The following FREM2 variants were observed in gnomAD, a reference collection of about 807,000 sequenced individuals.
FREM2 encodes the protein FRAS1-related extracellular matrix protein 2.
In FREM2, 119 loss-of-function variants were observed where a neutral mutation model predicts 219.9. That is an observed-to-expected ratio of 0.54 (90% CI 0.47 to 0.63). The LOEUF (loss-of-function observed/expected upper bound fraction) is 0.63, where lower values mean the gene tolerates loss of function less well. FREM2 is among the 30% of genes least tolerant of loss of function. The pLI is 0.00. For missense variants in FREM2, 4,030 were observed against 3,993.6 expected (o/e 1.01, Z -0.25); for synonymous variants, 1,562 against 1,522.8 (o/e 1.03, Z -0.60).
intron 11 of FREM2, among the ~76,000 whole-genome samples, chr13:38,855,709 T>C (rs1026944361): frequency 6.6e-6 from 1 of 152,002 alleles, no homozygotes; most frequent in South Asian, 2.1e-4. Flanking sequence ...AATGATACAA[T>C]GAACTTTTGG....
In FREM2 at chr13:38,734,955, C is replaced by T. The variant is rs533998395; in HGVS notation, c.5264-29349C>T. On this transcript the variant is annotated intron_variant, in intron 2 of 23. Transcript: ENST00000280481. ...TCGAGATGGGGTTTCACCATATTGG[C>T]CAGGCTGGTCTCAAACTTCTGACCT... is the stretch of plus-strand genomic sequence containing the variant. 2.0e-5 allele frequency among the ~76,000 whole-genome samples: 3 copies of T among 151,994 alleles called. No homozygotes were observed. The South Asian group carries it at 6.2e-4, about 31-fold the overall frequency.
Position 38,687,397 on chromosome 13 carries a change from C to G in FREM2, c.53C>G (p.Thr18Ser), listed in dbSNP as rs777526420. 1.1e-5 allele frequency: 18 copies of G among 1,608,990 alleles called. No individual in the cohort carries two copies. In the South Asian group the frequency reaches 1.9e-4, roughly 17 times the overall value. The change falls in exon 1 of 24, where the codon ACC becomes AGC. Residue 18 changes from threonine to serine, a missense_variant. Around this residue, in one of 2 missense-constraint regions of FREM2, gnomAD observed 3,102 missense variants for 2,950.7 expected, o/e 1.05. Coordinates refer to ENST00000280481, the MANE Select transcript of FREM2 (RefSeq NM_207361.6). ...TCCTCGCGCCGGACAGGCAACTCCA[C>G]CAGCTTTCAACCAGGACCGCCACCG... ...GLSSRRTGNS[T>S]SFQPGPPPPP...
At chr13:38,805,095 A>G (rs1875171689) in intron 6 of FREM2, among the ~76,000 whole-genome samples, 1 of 152,158 alleles carries the variant, frequency 6.6e-6, no homozygotes, top group Non-Finnish European at 1.5e-5. Context: ...GAAAAATAAG[A>G]GTCATTGGCA....
chr13:38,754,934 G>T (rs561587980), intron 2 of FREM2, among the ~76,000 whole-genome samples: 1 of 113,124 alleles, frequency 8.8e-6, no homozygotes, highest in African/African-American at 3.2e-5. Context: ...ATGGAGTCTC[G>T]CTCTGTCACC....
intron 6 of FREM2, among the ~76,000 whole-genome samples, chr13:38,846,350 A>T (rs570511092): frequency 6.6e-6 from 1 of 152,166 alleles, no homozygotes; most frequent in Non-Finnish European, 1.5e-5. Context: ...CAAGATGAGA[A>T]TGTTTTATTA....
chr13:38,754,050 C>G (rs1406444528), intron 2 of FREM2, among the ~76,000 whole-genome samples: 1 of 151,702 alleles, frequency 6.6e-6, no homozygotes, highest in African/African-American at 2.4e-5. Context: ...AGGATCCCTG[C>G]AGGCTCAGGC....
chr13:38,696,954 C>A (rs534416824), intron 1 of FREM2, among the ~76,000 whole-genome samples: 3 of 151,694 alleles, frequency 2.0e-5, no homozygotes, highest in Non-Finnish European at 4.4e-5. Context: ...ATTACAGGAA[C>A]GCACCACCAC....
At chr13:38,854,233 C>T (rs1877476906) in intron 11 of FREM2, among the ~76,000 whole-genome samples, 1 of 151,546 alleles carries the variant, frequency 6.6e-6, no homozygotes, top group African/African-American at 2.4e-5. Context: ...GACCACCGTC[C>T]AGCAAGTATA....
At chr13:38,873,548 T>A (rs1388806547) in intron 17 of FREM2, among the ~76,000 whole-genome samples, 2 of 152,238 alleles carry the variant, frequency 1.3e-5, no homozygotes, top group Non-Finnish European at 2.9e-5. Context: ...TGCCACTAGT[T>A]CGAGTTCGCG....
chr13:38,847,795 T>A (rs1566165010), intron 7 of FREM2, among the ~76,000 whole-genome samples: 1 of 152,204 alleles, frequency 6.6e-6, no homozygotes, highest in Non-Finnish European at 1.5e-5. Context: ...TCTTTGTGGA[T>A]GTAGTGGCTA....
chr13:38,769,621 C>G lies in FREM2; in HGVS notation c.5454C>G (p.Phe1818Leu), dbSNP rs746646649. 6.2e-7 allele frequency: 1 copy of G among 1,614,124 alleles called. No individual in the cohort carries two copies. The highest frequency in any genetic ancestry group is 1.1e-5 in the South Asian group (1 of 91,078). Residue 1818 changes from phenylalanine to leucine, a missense_variant, in exon 4 of 24, where the codon TTC becomes TTG. Phe to Leu is a conservative substitution (Grantham distance 22). Coordinates refer to ENST00000280481, the MANE Select transcript of FREM2 (RefSeq NM_207361.6). ...RDRTAEKDKD[F>L]KGKAQKQVQF... Reference sequence around the variant, plus strand: ...GAACTGCAGAAAAAGACAAAGACTTCAAGGGCAAAGCACAGAAACAAGTGC... The same window carrying G: ...GAACTGCAGAAAAAGACAAAGACTTGAAGGGCAAAGCACAGAAACAAGTGC...
intron 6 of FREM2, 137 bp downstream of exon 6, chr13:38,784,945 A>C (rs951747500): frequency 4.1e-6 from 4 of 983,764 alleles, no homozygotes; most frequent in Middle Eastern, 2.6e-4. Context: ...TCATATGATT[A>C]GGTTTCAAAG....
At chr13:38,819,862 A>T (rs1875969565) in intron 6 of FREM2, among the ~76,000 whole-genome samples, 1 of 152,152 alleles carries the variant, frequency 6.6e-6, no homozygotes, top group African/African-American at 2.4e-5. Flanking sequence ...TGGCATTAAC[A>T]ACTACGCAGC....
chr13:38,876,639 G>A (rs972243471), intron 20 of FREM2, among the ~76,000 whole-genome samples: 3 of 152,096 alleles, frequency 2.0e-5, no homozygotes, highest in Admixed American at 6.6e-5. Context: ...ATCTTATCTT[G>A]TGTCCTCCTG....
At chr13:38,788,793 G>A (rs1874435530) in intron 6 of FREM2, among the ~76,000 whole-genome samples, 1 of 151,980 alleles carries the variant, frequency 6.6e-6, no homozygotes, top group Non-Finnish European at 1.5e-5. Context: ...TTAGAATAAT[G>A]TATACTATAA....
intron 2 of FREM2, among the ~76,000 whole-genome samples, chr13:38,746,092 A>G (rs1422709874): frequency 1.3e-5 from 2 of 152,192 alleles, no homozygotes; most frequent in African/African-American, 2.4e-5. Context: ...TTGCAAGTGC[A>G]TATTTTTATG....
In FREM2 at chr13:38,713,964, C is replaced by T. The variant is rs576527582; in HGVS notation, c.5263+16177C>T. 7.9e-5 allele frequency among the ~76,000 whole-genome samples: 12 copies of T among 152,332 alleles called. No homozygotes were observed. The South Asian group carries it at 2.3e-3, about 29-fold the overall frequency. ...AACATCTCACAATGTAGGAGACAGC[C>T]TCCAACATCAAAGAACTATGGAGGC... On this transcript the variant is annotated intron_variant, in intron 2 of 23. Coordinates refer to ENST00000280481, the MANE Select transcript of FREM2 (RefSeq NM_207361.6).
intron 2 of FREM2, among the ~76,000 whole-genome samples, chr13:38,705,953 C>G (rs1870521805): frequency 6.6e-6 from 1 of 152,086 alleles, no homozygotes; most frequent in Non-Finnish European, 1.5e-5. Context: ...CCTGATGAGC[C>G]CTTCTGTAGT....
At chr13:38,879,483 G>T (rs1306767953) in intron 23 of FREM2, among the ~76,000 whole-genome samples, 1 of 152,286 alleles carries the variant, frequency 6.6e-6, no homozygotes, top group African/African-American at 2.4e-5. Flanking sequence ...ATCAAAGGTG[G>T]AGGGAAACAC....
Sources: allele counts gnomAD v4.1 joint callset (sites outside exome capture counted in the v4.1 genomes callset), GRCh38; gene constraint gnomAD v4.1.1; regional missense constraint gnomAD v4.1.1; transcripts MANE v1.5; gene names NCBI Gene and HGNC (gene_info 2026-07-23, HGNC 2026-07-21).